LYPD6B: variants seen among roughly 807,000 people sequenced by gnomAD.
The protein encoded by LYPD6B is LY6/PLAUR domain containing 6B.
A neutral mutation model predicts 22.8 loss-of-function variants in LYPD6B; 17 were observed. The ratio of observed to expected loss-of-function variants is 0.75; its 90% CI spans 0.51 to 1.12. The LOEUF is 1.12. Ranked by LOEUF, LYPD6B falls within the 50% of genes most tolerant of loss-of-function variation. The pLI is 0.00. For missense variants in LYPD6B, 221 were observed against 258.3 expected (o/e 0.86, Z 0.99); for synonymous variants, 106 against 91.6 (o/e 1.16, Z -0.90).
intron 2 of LYPD6B, among the ~76,000 whole-genome samples, chr2:149,155,423 T>C (rs1041988689): frequency 2.0e-5 from 3 of 152,230 alleles, no homozygotes; most frequent in Non-Finnish European, 2.9e-5. Context: ...GAATGTGCCC[T>C]GGACAAGAAC....
At chr2:149,053,930 G>A (rs1438040596) in intron 1 of LYPD6B, among the ~76,000 whole-genome samples, 1 of 137,032 alleles carries the variant, frequency 7.3e-6, no homozygotes, top group Non-Finnish European at 1.7e-5. Flanking sequence ...ACATAAGCCA[G>A]TACTTCATTC....
At chr2:149,085,531 G>A (rs1029078805) in intron 1 of LYPD6B, among the ~76,000 whole-genome samples, 1 of 152,188 alleles carries the variant, frequency 6.6e-6, no homozygotes, top group Non-Finnish European at 1.5e-5. Flanking sequence ...AGGAAGTTGA[G>A]TTAGGTAATT....
At chr2:149,085,561 A>G (rs1338330616) in intron 1 of LYPD6B, among the ~76,000 whole-genome samples, 1 of 152,210 alleles carries the variant, frequency 6.6e-6, no homozygotes, top group East Asian at 1.9e-4. Context: ...TGCTTGCATA[A>G]GAGTTGAGTC....
At chr2:149,196,167 C>T (rs1417969391) in intron 3 of LYPD6B, among the ~76,000 whole-genome samples, 1 of 152,144 alleles carries the variant, frequency 6.6e-6, no homozygotes, top group Non-Finnish European at 1.5e-5. Context: ...TCCTTCTGCT[C>T]CAAGTGGTAA....
intron 4 of LYPD6B, among the ~76,000 whole-genome samples, chr2:149,206,609 CA>C: frequency 6.6e-6 from 1 of 151,954 alleles, no homozygotes; most frequent in Middle Eastern, 3.4e-3. Flanking sequence ...TTAAAAAAGA[CA>C]AAAAAGTAAT....
chr2:149,162,164 G>T (rs1354693466), intron 3 of LYPD6B, among the ~76,000 whole-genome samples: 1 of 152,156 alleles, frequency 6.6e-6, no homozygotes, highest in Non-Finnish European at 1.5e-5. Flanking sequence ...TCATCATCAT[G>T]ATCACCGTGG....
intron 1 of LYPD6B, among the ~76,000 whole-genome samples, chr2:149,084,518 T>G (rs1479509633): frequency 6.6e-6 from 1 of 152,200 alleles, no homozygotes; most frequent in Non-Finnish European, 1.5e-5. Flanking sequence ...CTTACACATT[T>G]CCATCCCAGG....
intron 3 of LYPD6B, among the ~76,000 whole-genome samples, chr2:149,193,641 G>A (rs567801032): frequency 1.3e-5 from 2 of 152,194 alleles, no homozygotes; most frequent in East Asian, 3.9e-4. Flanking sequence ...AGAAGGTCTG[G>A]GACTGTGGAA....
chr2:149,050,189 A>T (rs1683487051), intron 1 of LYPD6B, among the ~76,000 whole-genome samples: 1 of 150,754 alleles, frequency 6.6e-6, no homozygotes, highest in African/African-American at 2.4e-5. Context: ...TAGATTTAAG[A>T]CCTGCCTTTT....
chr2:149,188,731 G>C (rs970426357), intron 3 of LYPD6B: 1 of 968,132 alleles, frequency 1.0e-6, no homozygotes, highest in Non-Finnish European at 1.2e-6. Context: ...GCTCCAGAGA[G>C]GTAGTTTTAA....
At chr2:149,205,492 TC>T in intron 4 of LYPD6B, 88 bp downstream of exon 4, 18 of 1,371,324 alleles carry the variant, frequency 1.3e-5, no homozygotes, top group Non-Finnish European at 1.5e-5. Flanking sequence ...TGTAACTTCG[TC>T]TTTCCCAGAA....
chr2:149,132,446 G>A (rs1688088991), intron 2 of LYPD6B, among the ~76,000 whole-genome samples: 1 of 151,970 alleles, frequency 6.6e-6, no homozygotes, highest in South Asian at 2.1e-4. Flanking sequence ...CTAGGAAAGG[G>A]GTTAGATGCA....
chr2:149,116,345 C>G (rs1203705642), intron 1 of LYPD6B, among the ~76,000 whole-genome samples: 1 of 152,142 alleles, frequency 6.6e-6, no homozygotes, highest in Non-Finnish European at 1.5e-5. Flanking sequence ...TGGAATGTCT[C>G]TGACAAAGAG....
chr2:149,066,998 A>G (rs1684365597), intron 1 of LYPD6B, among the ~76,000 whole-genome samples: 1 of 152,108 alleles, frequency 6.6e-6, no homozygotes, highest in South Asian at 2.1e-4. Context: ...TGTCTATTGT[A>G]GCTATCTTTA....
intron 3 of LYPD6B, among the ~76,000 whole-genome samples, chr2:149,161,967 C>G (rs1007355167): frequency 6.6e-6 from 1 of 152,088 alleles, no homozygotes; most frequent in Non-Finnish European, 1.5e-5. Context: ...ACTCTTTTCC[C>G]CGGGGCATAT....
chr2:149,048,242 A>G (rs1683397680), intron 1 of LYPD6B, among the ~76,000 whole-genome samples: 1 of 152,148 alleles, frequency 6.6e-6, no homozygotes, highest in Non-Finnish European at 1.5e-5. Flanking sequence ...GGCTTTATGC[A>G]TGGGAATGGG....
intron 1 of LYPD6B, among the ~76,000 whole-genome samples, chr2:149,049,358 C>A (rs1683447872): frequency 6.6e-6 from 1 of 150,972 alleles, no homozygotes; most frequent in Non-Finnish European, 1.5e-5. Context: ...CATGCACATG[C>A]ACACACACAC....
chr2:149,160,260 C>T (rs1689970941), intron 2 of LYPD6B, among the ~76,000 whole-genome samples: 1 of 152,106 alleles, frequency 6.6e-6, no homozygotes, highest in South Asian at 2.1e-4. Flanking sequence ...CATTCCAGTT[C>T]CCTCCCACCT....
At chr2:149,100,444 C>T (rs1419251524) in intron 1 of LYPD6B, among the ~76,000 whole-genome samples, 1 of 113,086 alleles carries the variant, frequency 8.8e-6, no homozygotes, top group African/African-American at 3.2e-5. Context: ...AAAAAAAAGC[C>T]CGGGCTGGAG....
Sources: allele counts gnomAD v4.1 joint callset (sites outside exome capture counted in the v4.1 genomes callset), GRCh38; gene constraint gnomAD v4.1.1; transcripts MANE v1.5; gene names NCBI Gene and HGNC (gene_info 2026-07-23, HGNC 2026-07-21).